PRORP: variants seen among roughly 807,000 people sequenced by gnomAD.
The protein encoded by PRORP is mitochondrial ribonuclease P catalytic subunit.
PRORP carries 51 observed loss-of-function variants against 59.4 expected under a neutral mutation model. The ratio of observed to expected loss-of-function variants is 0.86; its 90% CI spans 0.69 to 1.08. The LOEUF (loss-of-function observed/expected upper bound fraction) is 1.08. Among genes scored for constraint, PRORP ranks in the 50% least tolerant of loss-of-function variants. PRORP has a pLI of 0.00. For synonymous variants in PRORP, 231 were observed against 245.6 expected, an observed-to-expected ratio of 0.94 and a Z score of 0.55; for missense variants, 646 against 690.3, an observed-to-expected ratio of 0.94 and a Z score of 0.72.
At chr14:35,200,756 G>A (rs1287468617) in intron 5 of PRORP, among the ~76,000 whole-genome samples, 2 of 151,796 alleles carry the variant, frequency 1.3e-5, no homozygotes, top group Non-Finnish European at 2.9e-5. Context: ...TCAAAGATTA[G>A]TAGAGTTCTC....
chr14:35,268,077 G>A (rs1232864707), intron 6 of PRORP, among the ~76,000 whole-genome samples: 2 of 152,082 alleles, frequency 1.3e-5, no homozygotes, highest in Non-Finnish European at 2.9e-5. Flanking sequence ...GCCAGCCACA[G>A]TGGCTCATGT....
chr14:35,179,531 G>A lies in PRORP; in HGVS notation c.1168-1139G>A, dbSNP rs183181104. 6.6e-5 allele frequency among the ~76,000 whole-genome samples: 10 copies of A among 152,116 alleles called. No homozygotes were observed. In the East Asian group the frequency reaches 1.2e-3, roughly 18 times the overall value. On this transcript the variant is annotated intron_variant, in intron 4 of 7. Transcript: ENST00000534898. ...ACCCTTTCTTCCAGTTGATCGAGTC[G>A]GTTACTGAAGCTTGTGCATTCGTCA... is the stretch of plus-strand genomic sequence containing the variant.
At chr14:35,229,410 G>T (rs193183458) in intron 5 of PRORP, among the ~76,000 whole-genome samples, 1 of 152,098 alleles carries the variant, frequency 6.6e-6, no homozygotes, top group Non-Finnish European at 1.5e-5. Flanking sequence ...TTTCTTTTAG[G>T]ATTTCTATAG....
chr14:35,142,060 G>A (rs1296436584), intron 4 of PRORP, among the ~76,000 whole-genome samples: 1 of 144,904 alleles, frequency 6.9e-6, no homozygotes, highest in Non-Finnish European at 1.5e-5. Flanking sequence ...TGTATTTTTA[G>A]TGGAGACAGG....
intron 5 of PRORP, among the ~76,000 whole-genome samples, chr14:35,225,867 C>T (rs540180523): frequency 4.6e-5 from 7 of 151,984 alleles, no homozygotes; most frequent in African/African-American, 1.4e-4. Context: ...GGCAACATAA[C>T]GAAACCCCAT....
chr14:35,164,140 T>C (rs115370206), intron 4 of PRORP, among the ~76,000 whole-genome samples: 5,318 of 152,268 alleles, frequency 0.035, 289 homozygotes, highest in African/African-American at 0.12. Flanking sequence ...TATCTGTTTT[T>C]GTACCAGTAT....
chr14:35,210,077 A>G (rs2049399597), intron 5 of PRORP, among the ~76,000 whole-genome samples: 1 of 152,258 alleles, frequency 6.6e-6, no homozygotes, highest in Non-Finnish European at 1.5e-5. Context: ...ATTAAAATTA[A>G]CAGTAAAATT....
intron 5 of PRORP, among the ~76,000 whole-genome samples, chr14:35,221,423 GTCTT>G (rs2049779827): frequency 6.6e-6 from 1 of 151,950 alleles, no homozygotes; most frequent in South Asian, 2.1e-4. Context: ...TGTTGATTCT[GTCTT>G]TCTTTAAATT....
chr14:35,122,630 C>A lies in PRORP; in HGVS notation c.-300C>A, dbSNP rs2046954905. The A allele has an allele frequency of 6.5e-6, 1 of 154,404 alleles. No homozygotes were observed. Among genetic ancestry groups the A allele is most frequent in the Non-Finnish European group, 1.4e-5 (1 of 69,264 alleles). The allele number at this position is 154,404 out of a possible 1,614,324, so 9.6% of individuals were successfully genotyped here. On this transcript the variant is annotated 5_prime_UTR_variant, in exon 1 of 8. Transcript: ENST00000534898. ...GAATGAAGTGAACTTCATTTGTCAG[C>A]GTTCGGTACGCAGTCTAGGCAGCGC...
chr14:35,194,356 A>G (rs1452901471), intron 5 of PRORP, among the ~76,000 whole-genome samples: 1 of 152,184 alleles, frequency 6.6e-6, no homozygotes, highest in Non-Finnish European at 1.5e-5. Context: ...TACAGTCATA[A>G]AAAAGGATGA....
intron 4 of PRORP, among the ~76,000 whole-genome samples, chr14:35,179,871 A>G (rs576608501): frequency 1.3e-5 from 2 of 151,894 alleles, no homozygotes; most frequent in African/African-American, 2.4e-5. Context: ...GGTTTTATCT[A>G]CCTTTGGTCT....
intron 5 of PRORP, among the ~76,000 whole-genome samples, chr14:35,188,201 T>TG (rs1225331015): frequency 6.7e-6 from 1 of 149,572 alleles, no homozygotes; most frequent in African/African-American, 2.5e-5. Context: ...ATTTTTTTTT[T>TG]TTTTTTTGAG....
chr14:35,175,989 A>G (rs1163111477), intron 4 of PRORP, among the ~76,000 whole-genome samples: 1 of 152,138 alleles, frequency 6.6e-6, no homozygotes, highest in East Asian at 1.9e-4. Context: ...ACCATTTATT[A>G]AATAGGGAAT....
At chr14:35,169,634 C>T (rs921502997) in intron 4 of PRORP, among the ~76,000 whole-genome samples, 9 of 152,156 alleles carry the variant, frequency 5.9e-5, no homozygotes, top group African/African-American at 1.2e-4. Flanking sequence ...CTCACTATCA[C>T]GAGAACAGCA....
intron 5 of PRORP, among the ~76,000 whole-genome samples, chr14:35,199,495 A>C (rs1454306423): frequency 4.6e-5 from 7 of 152,272 alleles, no homozygotes; most frequent in Admixed American, 4.6e-4. Context: ...GGATGGGATT[A>C]GCACCCTTAT....
chr14:35,214,429 G>A (rs1340215827), intron 5 of PRORP, among the ~76,000 whole-genome samples: 2 of 152,184 alleles, frequency 1.3e-5, no homozygotes, highest in Non-Finnish European at 2.9e-5. Context: ...TAAATGGAAT[G>A]ATTTATATGC....
chr14:35,159,374 A>G (rs75005636), intron 4 of PRORP, among the ~76,000 whole-genome samples: 3,659 of 152,100 alleles, frequency 0.024, 155 homozygotes, highest in African/African-American at 0.084. Context: ...CTTCGTGACT[A>G]TCTCAGTCCC....
chr14:35,183,594 G>C (rs1023590140), intron 5 of PRORP, among the ~76,000 whole-genome samples: 1 of 152,090 alleles, frequency 6.6e-6, no homozygotes, highest in Non-Finnish European at 1.5e-5. Context: ...AATAGATTTT[G>C]AGAAACTGGA....
intron 5 of PRORP, among the ~76,000 whole-genome samples, chr14:35,266,042 G>A (rs2138656705): frequency 6.6e-6 from 1 of 151,522 alleles, no homozygotes; most frequent in Admixed American, 6.6e-5. Context: ...ATTAGGCCAG[G>A]CATGGTGGCT....
Sources: allele counts gnomAD v4.1 joint callset (sites outside exome capture counted in the v4.1 genomes callset), GRCh38; gene constraint gnomAD v4.1.1; transcripts MANE v1.5; gene names NCBI Gene and HGNC (gene_info 2026-07-23, HGNC 2026-07-21).